Variants in CACNA2D3 observed in about 807,000 individuals in gnomAD.
The protein encoded by CACNA2D3 is calcium voltage-gated channel auxiliary subunit alpha2delta 3.
CACNA2D3 carries 60 observed loss-of-function variants against 160.6 expected under a neutral mutation model. The ratio of observed to expected loss-of-function variants is 0.37; its 90% CI spans 0.30 to 0.46. CACNA2D3 has a LOEUF of 0.46. CACNA2D3 is among the 20% of genes least tolerant of loss of function. The pLI is 1.00. For synonymous variants in CACNA2D3, 558 were observed against 492.9 expected (o/e 1.13, Z -1.75); for missense variants, 1,205 against 1,365.0 (o/e 0.88, Z 1.85).
At chr3:54,996,396 G>A (rs766792051) in intron 31 of CACNA2D3, among the ~76,000 whole-genome samples, 5 of 152,204 alleles carry the variant, frequency 3.3e-5, no homozygotes, top group African/African-American at 7.2e-5. Context: ...GAGGGGCTGC[G>A]TGAATGGGCA....
At chr3:54,218,135 C>G (rs1405952163) in intron 2 of CACNA2D3, among the ~76,000 whole-genome samples, 2 of 152,108 alleles carry the variant, frequency 1.3e-5, no homozygotes, top group Admixed American at 6.5e-5. Context: ...GTGATGGAGA[C>G]CACGCTCCCA....
chr3:54,278,057 A>G (rs1702786078), intron 2 of CACNA2D3, among the ~76,000 whole-genome samples: 1 of 152,240 alleles, frequency 6.6e-6, no homozygotes. Context: ...TGAAAAGGCA[A>G]CATACAGAAT....
intron 2 of CACNA2D3, among the ~76,000 whole-genome samples, chr3:54,300,493 G>C (rs1043126880): frequency 4.6e-5 from 7 of 152,204 alleles, no homozygotes; most frequent in Non-Finnish European, 8.8e-5. Context: ...GCTGCTGAAC[G>C]GAGAGGGGTA....
intron 13 of CACNA2D3, among the ~76,000 whole-genome samples, chr3:54,809,352 C>A (rs1453052828): frequency 3.0e-5 from 3 of 100,656 alleles, no homozygotes; most frequent in African/African-American, 1.3e-4. Flanking sequence ...CGCTCTGTCG[C>A]CCAGGTCGGA....
intron 11 of CACNA2D3, among the ~76,000 whole-genome samples, chr3:54,743,538 G>C (rs1701692771): frequency 1.3e-5 from 2 of 152,280 alleles, no homozygotes; most frequent in South Asian, 2.1e-4. Flanking sequence ...AAGCTAGAGA[G>C]TGACACAGCC....
At chr3:54,909,121 G>A (rs535357073) in intron 27 of CACNA2D3, among the ~76,000 whole-genome samples, 2 of 152,276 alleles carry the variant, frequency 1.3e-5, no homozygotes. Flanking sequence ...TAATGTTTTT[G>A]TCTGTGTGGT....
chr3:54,696,547 G>T (rs938878355), intron 11 of CACNA2D3, among the ~76,000 whole-genome samples: 1 of 152,114 alleles, frequency 6.6e-6, no homozygotes, highest in African/African-American at 2.4e-5. Context: ...CAGCAGAGGG[G>T]TGTGTGGTCA....
At chr3:55,002,329 G>A (rs1237531612) in intron 31 of CACNA2D3, among the ~76,000 whole-genome samples, 1 of 152,126 alleles carries the variant, frequency 6.6e-6, no homozygotes, top group African/African-American at 2.4e-5. Context: ...GACAGCATTG[G>A]GCAGTGGGAA....
intron 17 of CACNA2D3, among the ~76,000 whole-genome samples, chr3:54,860,013 C>CACACACAA (rs1553891538): frequency 2.7e-5 from 4 of 150,838 alleles, no homozygotes; most frequent in African/African-American, 7.3e-5. Flanking sequence ...CACACACACA[C>CACACACAA]AAACACACAT....
chr3:54,926,476 T>A (rs928681416), intron 27 of CACNA2D3, among the ~76,000 whole-genome samples: 18 of 149,848 alleles, frequency 1.2e-4, no homozygotes, highest in Non-Finnish European at 2.4e-4. Flanking sequence ...GTCAGAGTTC[T>A]TATCTACTGT....
intron 11 of CACNA2D3, among the ~76,000 whole-genome samples, chr3:54,705,668 A>AC (rs1700844144): frequency 6.6e-6 from 1 of 152,172 alleles, no homozygotes; most frequent in African/African-American, 2.4e-5. Context: ...GGGCCTCCCA[A>AC]TGTTCCTATA....
intron 27 of CACNA2D3, among the ~76,000 whole-genome samples, chr3:54,901,582 T>C (rs1028744718): frequency 2.0e-5 from 3 of 152,134 alleles, no homozygotes; most frequent in African/African-American, 7.2e-5. Flanking sequence ...TGGTCCACCC[T>C]GAGTGGGTGG....
intron 34 of CACNA2D3, among the ~76,000 whole-genome samples, chr3:55,012,639 A>AT (rs1703234299): frequency 6.6e-6 from 1 of 152,124 alleles, no homozygotes. Context: ...GAATGGCTGG[A>AT]GACATTTTTG....
intron 11 of CACNA2D3, among the ~76,000 whole-genome samples, chr3:54,655,600 C>T (rs1699863086): frequency 1.3e-5 from 2 of 152,120 alleles, no homozygotes; most frequent in African/African-American, 4.8e-5. Flanking sequence ...CCAAAACATA[C>T]CCAGGTTTTT....
intron 35 of CACNA2D3, among the ~76,000 whole-genome samples, chr3:55,067,443 TTA>T (rs1281416292): frequency 5.3e-5 from 8 of 152,234 alleles, no homozygotes; most frequent in African/African-American, 1.9e-4. Flanking sequence ...GGGCATAATT[TTA>T]TCTTATTCAT....
At chr3:54,363,024 G>A (rs183526832) in intron 3 of CACNA2D3, among the ~76,000 whole-genome samples, 75 of 152,030 alleles carry the variant, frequency 4.9e-4, no homozygotes, top group African/African-American at 1.3e-3. Flanking sequence ...GTGAAACCTC[G>A]TCTCTACTAA....
chr3:54,828,670 TAAGAA>T (rs1703797998), intron 14 of CACNA2D3, among the ~76,000 whole-genome samples: 1 of 152,318 alleles, frequency 6.6e-6, no homozygotes, highest in East Asian at 1.9e-4. Context: ...TTCAGTTTGT[TAAGAA>T]GAGAAAGAGA....
intron 5 of CACNA2D3, among the ~76,000 whole-genome samples, chr3:54,537,128 G>C (rs559031395): frequency 6.6e-6 from 1 of 151,976 alleles, no homozygotes; most frequent in South Asian, 2.1e-4. Flanking sequence ...AGAGATGGAA[G>C]AAGGGAGGGA....
chr3:54,801,618 G>T (rs548631276), intron 13 of CACNA2D3, among the ~76,000 whole-genome samples: 1 of 152,170 alleles, frequency 6.6e-6, no homozygotes, highest in Non-Finnish European at 1.5e-5. Flanking sequence ...TGAGATCAGC[G>T]GTGGATATTA....
Sources: allele counts gnomAD v4.1 joint callset (sites outside exome capture counted in the v4.1 genomes callset), GRCh38; gene constraint gnomAD v4.1.1; transcripts MANE v1.5; gene names NCBI Gene and HGNC (gene_info 2026-07-23, HGNC 2026-07-21).